Variants in NEDD9 observed in about 807,000 individuals in gnomAD.
The protein encoded by NEDD9 is neural precursor cell expressed, developmentally down-regulated 9.
In NEDD9, 26 loss-of-function variants were observed where a neutral mutation model predicts 76.6. The ratio of observed to expected loss-of-function variants is 0.34; its 90% CI spans 0.25 to 0.47. The LOEUF (loss-of-function observed/expected upper bound fraction) is 0.47. Among genes scored for constraint, NEDD9 ranks in the 20% least tolerant of loss-of-function variants. The probability of loss-of-function intolerance (pLI) is 1.00; values close to 1 mark genes in which losing one functional copy is unlikely to be tolerated. For synonymous variants in NEDD9, 392 were observed against 414.2 expected, an observed-to-expected ratio of 0.95 and a Z score of 0.65; for missense variants, 937 against 1,058.5, an observed-to-expected ratio of 0.89 and a Z score of 1.59.
upstream of NEDD9, among the ~76,000 whole-genome samples, chr6:11,237,096 T>C (rs1759618426): frequency 1.3e-5 from 2 of 152,194 alleles, no homozygotes; most frequent in Non-Finnish European, 2.9e-5. The surrounding 1 kb of genome is among the most constrained non-coding windows in gnomAD (Gnocchi z 4.9). Flanking sequence ...TATCCTTGTC[T>C]ACAACCCCCA....
intron 1 of NEDD9, among the ~76,000 whole-genome samples, chr6:11,218,949 G>A (rs1759057525): frequency 6.6e-6 from 1 of 152,184 alleles, no homozygotes; most frequent in African/African-American, 2.4e-5. Context: ...GACCATCCCA[G>A]TGAGATTAAA....
chr6:11,343,752 G>A (rs543683918), intron 1 of NEDD9, among the ~76,000 whole-genome samples: 58 of 152,288 alleles, frequency 3.8e-4, no homozygotes, highest in African/African-American at 1.3e-3. Context: ...TGAGTAGACA[G>A]GCTAAAATCA....
At chr6:11,215,049 C>T (rs921780773) in intron 1 of NEDD9, among the ~76,000 whole-genome samples, 8 of 152,204 alleles carry the variant, frequency 5.3e-5, no homozygotes, top group African/African-American at 9.6e-5. Context: ...GCACTACTCG[C>T]GTCCCCTTGT....
chr6:11,204,872 A>G (rs1055847152), intron 2 of NEDD9, among the ~76,000 whole-genome samples: 3 of 152,108 alleles, frequency 2.0e-5, no homozygotes, highest in African/African-American at 7.2e-5. Flanking sequence ...GGATCAGCCC[A>G]CTCTGAAACT....
intron 1 of NEDD9, among the ~76,000 whole-genome samples, chr6:11,366,712 C>G (rs571947338): frequency 2.2e-4 from 33 of 152,296 alleles, no homozygotes; most frequent in African/African-American, 7.9e-4. Context: ...GGAGTTGCCT[C>G]GTCATTGAAT....
At chr6:11,321,798 G>A (rs773176875) in intron 2 of NEDD9, among the ~76,000 whole-genome samples, 1 of 152,150 alleles carries the variant, frequency 6.6e-6, no homozygotes, top group Non-Finnish European at 1.5e-5. Flanking sequence ...CTAGCCAGGG[G>A]AGACAAACCT....
intron 3 of NEDD9, among the ~76,000 whole-genome samples, chr6:11,299,366 A>G (rs1760982516): frequency 6.6e-6 from 1 of 152,254 alleles, no homozygotes; most frequent in Non-Finnish European, 1.5e-5. Context: ...CAAACTGGGC[A>G]GAGCCCACCA....
intron 5 of NEDD9, 137 bp downstream of exon 5, chr6:11,189,827 C>T (rs1418533916): frequency 1.8e-6 from 2 of 1,141,562 alleles, no homozygotes; most frequent in Non-Finnish European, 2.4e-6. Flanking sequence ...GACACTCCCT[C>T]CAATTTGTGA....
intron 1 of NEDD9, among the ~76,000 whole-genome samples, chr6:11,372,917 T>A (rs575953443): frequency 2.4e-3 from 371 of 152,330 alleles, no homozygotes; most frequent in African/African-American, 8.4e-3. Flanking sequence ...TCATTTTTTT[T>A]AAATGGATTC....
At chr6:11,279,023 A>C (rs2113354398) in intron 3 of NEDD9, among the ~76,000 whole-genome samples, 1 of 152,328 alleles carries the variant, frequency 6.6e-6, no homozygotes, top group East Asian at 1.9e-4. Flanking sequence ...TTTTATTATT[A>C]CATTATACTC....
chr6:11,206,168 C>T (rs1758611028), intron 2 of NEDD9, among the ~76,000 whole-genome samples: 2 of 152,082 alleles, frequency 1.3e-5, no homozygotes, highest in South Asian at 4.1e-4. Flanking sequence ...TCTGTAATCC[C>T]AGCACTTTGG....
intron 2 of NEDD9, among the ~76,000 whole-genome samples, chr6:11,330,607 A>T (rs758116258): frequency 1.3e-5 from 2 of 152,222 alleles, no homozygotes; most frequent in Non-Finnish European, 2.9e-5. Flanking sequence ...TGTGAAAACC[A>T]GAGCCAAAGA....
upstream of NEDD9, among the ~76,000 whole-genome samples, chr6:11,236,621 A>G (rs1216829526): frequency 6.6e-6 from 1 of 152,214 alleles, no homozygotes; most frequent in Non-Finnish European, 1.5e-5. The surrounding 1 kb of genome is among the most constrained non-coding windows in gnomAD (Gnocchi z 5.5). Context: ...TGCCTCACAC[A>G]GGGCCCCACC....
At position 11,317,355 on chromosome 6, in the gene NEDD9, A is replaced by T. The variant is rs1002021727; in HGVS notation, c.-152-11200T>A. Among the ~76,000 whole-genome samples, 4 of 151,780 alleles carry T rather than the reference A, an allele frequency of 2.6e-5. No homozygotes were observed. The South Asian group carries it at 8.4e-4, about 32-fold the overall frequency. On this transcript the variant is annotated intron_variant, in intron 2 of 3. Transcript: ENST00000397378. ...GGCTGAGGAAGGAGAATTGCTTGAAACTGGGAGGTGGAGGTAGCAGTGAGT... is the reference window on the plus strand; with the variant it reads ...GGCTGAGGAAGGAGAATTGCTTGAATCTGGGAGGTGGAGGTAGCAGTGAGT...
intron 2 of NEDD9, among the ~76,000 whole-genome samples, chr6:11,312,605 A>G (rs980315884): frequency 1.3e-5 from 2 of 151,920 alleles, no homozygotes; most frequent in Non-Finnish European, 2.9e-5. Context: ...TAAACTTTTT[A>G]GTCAGCTAAT....
chr6:11,337,806 C>T (rs1428486451), intron 1 of NEDD9, among the ~76,000 whole-genome samples: 1 of 152,148 alleles, frequency 6.6e-6, no homozygotes, highest in Non-Finnish European at 1.5e-5. Context: ...ATTTATCGCT[C>T]CAACAAGCTG....
At chr6:11,216,747 T>C (rs1213958964) in intron 1 of NEDD9, among the ~76,000 whole-genome samples, 2 of 152,232 alleles carry the variant, frequency 1.3e-5, no homozygotes, top group African/African-American at 4.8e-5. Flanking sequence ...TTTAATTTGC[T>C]AGATGGCCCT....
chr6:11,285,021 T>C (rs1201841279), intron 3 of NEDD9, among the ~76,000 whole-genome samples: 1 of 152,182 alleles, frequency 6.6e-6, no homozygotes, highest in Admixed American at 6.5e-5. Flanking sequence ...GTGGTGCAGC[T>C]GGGATTTGAA....
chr6:11,379,566 G>T (rs1258938210), intron 1 of NEDD9, among the ~76,000 whole-genome samples: 1 of 152,058 alleles, frequency 6.6e-6, no homozygotes, highest in East Asian at 1.9e-4. Flanking sequence ...GTGACAGAGT[G>T]AGACTTTGTC....
Sources: gnomAD v4.1 joint callset for allele counts (sites outside exome capture counted in the v4.1 genomes callset) on GRCh38, gnomAD v4.1.1 for gene constraint, Gnocchi (gnomAD v3.1) non-coding constraint, MANE v1.5 for transcripts, NCBI Gene and HGNC (gene_info 2026-07-23, HGNC 2026-07-21) for gene names.